Variants in CEP126 observed in about 807,000 individuals in gnomAD.
CEP126 encodes centrosomal protein 126.
CEP126 carries 74 observed loss-of-function variants against 107.8 expected under a neutral mutation model. That is an observed-to-expected ratio of 0.69 (90% confidence interval 0.57 to 0.83). The LOEUF (loss-of-function observed/expected upper bound fraction) is 0.83. Among genes scored for constraint, CEP126 ranks in the 40% least tolerant of loss-of-function variants. The pLI, the probability that CEP126 is intolerant of heterozygous loss-of-function variation, is 0.00. For missense variants in CEP126, 1,237 were observed against 1,281.9 expected, an observed-to-expected ratio of 0.96 and a Z score of 0.53; for synonymous variants, 449 against 446.0, an observed-to-expected ratio of 1.01 and a Z score of -0.08.
chr11:101,973,686 A>G (rs1941159888), intron 6 of CEP126, among the ~76,000 whole-genome samples: 1 of 152,190 alleles, frequency 6.6e-6, no homozygotes, highest in African/African-American at 2.4e-5. Flanking sequence ...AAAGCAATAA[A>G]TTAGGTTTTA....
chr11:101,953,844 C>T (rs1356393580), intron 4 of CEP126, among the ~76,000 whole-genome samples: 1 of 151,972 alleles, frequency 6.6e-6, no homozygotes, highest in African/African-American at 2.4e-5. Context: ...GAAAGCTTGT[C>T]TGAAAAGAGA....
intron 2 of CEP126, among the ~76,000 whole-genome samples, chr11:101,940,946 A>G (rs764764579): frequency 2.0e-5 from 3 of 152,140 alleles, no homozygotes; most frequent in Non-Finnish European, 4.4e-5. Flanking sequence ...TGACTACATA[A>G]TCATGCTTCA....
In CEP126 at chr11:101,948,110, T is replaced by A; in HGVS notation, c.474T>A (p.Leu158=). 3 of 1,609,978 alleles carry A rather than the reference T, an allele frequency of 1.9e-6. No homozygotes were observed. In the African/African-American group the frequency reaches 4.0e-5, roughly 21 times the overall value. The change falls in exon 4 of 11, where the codon CTT becomes CTA. Residue 158 remains leucine (L), a synonymous_variant. Coordinates refer to ENST00000263468, the MANE Select transcript of CEP126 (RefSeq NM_020802.4). ...CCAACTTAAAATCAGAAGTAAACCT[T>A]CCCTTTTCCCGTAGACCAACAATAA... The part of the protein sequence containing the change: ...QESNLKSEVN[L]PFSRRPTINW...
At position 101,963,354 on chromosome 11, in the gene CEP126, C is replaced by A. The variant is rs770901849; in HGVS notation, c.2319C>A (p.Asn773Lys). The A allele has an allele frequency of 3.1e-6, 5 of 1,613,968 alleles. No homozygotes were observed. ...AKVQSGFICTNRKGAVIQPQS... is the reference protein window; with the variant it reads ...AKVQSGFICTKRKGAVIQPQS... ...TCCAATCAGGCTTTATATGTACAAA[C>A]AGAAAAGGCGCTGTCATTCAACCAC... The change falls in exon 6 of 11, where the codon AAC becomes AAA. Residue 773 changes from asparagine to lysine, a missense_variant. Physicochemically the swap from Asn to Lys is moderately conservative, Grantham distance 94. Around this residue, in one of 3 missense-constraint regions of CEP126, gnomAD observed 1,134 missense variants for 1,150.5 expected, o/e 0.99. Transcript: ENST00000263468.
At chr11:101,977,992 A>T (rs1156234240) in intron 6 of CEP126, among the ~76,000 whole-genome samples, 1 of 152,360 alleles carries the variant, frequency 6.6e-6, no homozygotes, top group East Asian at 1.9e-4. Context: ...ATCATATATT[A>T]CATGAGTAAA....
At position 101,999,666 on chromosome 11, in the gene CEP126, T is replaced by C. The variant is rs990790994; in HGVS notation, c.*2023T>C. The C allele has an allele frequency of 2.6e-5, 4 of 152,164 alleles. No individual in the cohort carries two copies. Among genetic ancestry groups the C allele is most frequent in the Non-Finnish European group, 5.9e-5 (4 of 68,030 alleles). The allele number at this position is 152,164 out of a possible 1,614,324, so 9.4% of individuals were successfully genotyped here. A position where few individuals can be genotyped will look rare whatever the true frequency, so the allele number is the denominator to read the frequency against. On this transcript the variant is annotated 3_prime_UTR_variant, in exon 11 of 11. Transcript: ENST00000263468. The stretch of plus-strand genomic sequence containing the variant: ...TTTTAGTAGATACAGGGTGGGTTCA[T>C]TAAGAGTGATAAAAGTGGGAAGACA...
chr11:101,992,179 A>G, intron 9 of CEP126, among the ~76,000 whole-genome samples: 1 of 152,124 alleles, frequency 6.6e-6, no homozygotes. Flanking sequence ...GCAGGGAGCT[A>G]CAATCATGAA....
intron 5 of CEP126, among the ~76,000 whole-genome samples, chr11:101,959,312 C>T (rs1213286179): frequency 3.3e-5 from 5 of 152,064 alleles, no homozygotes; most frequent in Admixed American, 1.3e-4. Context: ...CCCGCCACCA[C>T]GCCCAGCTAA....
chr11:101,970,836 C>A (rs578117528), intron 6 of CEP126, among the ~76,000 whole-genome samples: 28 of 152,262 alleles, frequency 1.8e-4, no homozygotes, highest in African/African-American at 6.7e-4. Flanking sequence ...AAATAATATT[C>A]TTACGCCCAT....
At chr11:101,945,599 C>T (rs906438918) in intron 3 of CEP126, among the ~76,000 whole-genome samples, 9 of 152,140 alleles carry the variant, frequency 5.9e-5, no homozygotes, top group African/African-American at 9.7e-5. Flanking sequence ...CCATATAATA[C>T]GACGTCCTGT....
intron 2 of CEP126, among the ~76,000 whole-genome samples, chr11:101,943,696 C>A (rs1312185227): frequency 1.3e-5 from 2 of 151,844 alleles, no homozygotes; most frequent in African/African-American, 4.8e-5. Context: ...GGATTAGGGG[C>A]AGGTGTTTGT....
chr11:101,977,568 T>A (rs996879510), intron 6 of CEP126, among the ~76,000 whole-genome samples: 9 of 148,052 alleles, frequency 6.1e-5, no homozygotes, highest in African/African-American at 2.0e-4. Context: ...GAGGCAGAGG[T>A]TGCAGTGAGC....
At chr11:101,953,080 A>G (rs1186235874) in intron 4 of CEP126, among the ~76,000 whole-genome samples, 5 of 152,224 alleles carry the variant, frequency 3.3e-5, no homozygotes, top group Non-Finnish European at 5.9e-5. Flanking sequence ...GTAGGCATCT[A>G]CCTATTCTGG....
At position 101,997,893 on chromosome 11, in the gene CEP126, T is replaced by C; in HGVS notation, c.*250T>C. 1 of 422,904 alleles carries C rather than the reference T, an allele frequency of 2.4e-6. No individual in the cohort carries two copies. Among genetic ancestry groups the C allele is most frequent in the Non-Finnish European group, 4.2e-6 (1 of 235,528 alleles). The allele number at this position is 422,904 out of a possible 1,614,324, so 26.2% of individuals were successfully genotyped here. A position where few individuals can be genotyped will look rare whatever the true frequency, so the allele number is the denominator to read the frequency against. ...CCTAAACAAAAAGCAGGACATAACCTAGCTCTGAATACATGCCACAAGGAT... is the reference window on the plus strand; with the variant it reads ...CCTAAACAAAAAGCAGGACATAACCCAGCTCTGAATACATGCCACAAGGAT... On this transcript the variant is annotated 3_prime_UTR_variant, in exon 11 of 11. Coordinates refer to ENST00000263468, the MANE Select transcript of CEP126 (RefSeq NM_020802.4).
chr11:101,958,079 G>A (rs968610778), intron 4 of CEP126, 89 bp from the exon 5 acceptor site: 12 of 1,056,232 alleles, frequency 1.1e-5, no homozygotes, highest in South Asian at 4.5e-5. Flanking sequence ...AAACACACAC[G>A]TATTACACCT....
rs1310521451 is a variant in CEP126, at chr11:101,962,140, C to A, written c.1105C>A (p.Pro369Thr). The change falls in exon 6 of 11, where the codon CCC (proline) becomes ACC (threonine). Residue 369 changes from proline to threonine, a missense_variant. By Grantham distance (38) the Pro-to-Thr change is conservative (BLOSUM62 -1). Around this residue, in one of 3 missense-constraint regions of CEP126, gnomAD observed 1,134 missense variants for 1,150.5 expected, o/e 0.99. Coordinates refer to ENST00000263468, the MANE Select transcript of CEP126 (RefSeq NM_020802.4). ...RATNTANNSV[P>T]FVSSPPMFVL... ...CACAAATACTGCTAATAATTCAGTA[C>A]CCTTTGTATCTAGCCCACCCATGTT... The A allele has an allele frequency of 4.3e-6, 7 of 1,612,618 alleles. No homozygotes were observed. Among genetic ancestry groups the A allele is most frequent in the East Asian group, 2.2e-5 (1 of 44,864 alleles).
chr11:101,954,936 G>A (rs1418264423), intron 4 of CEP126, among the ~76,000 whole-genome samples: 1 of 152,064 alleles, frequency 6.6e-6, no homozygotes, highest in African/African-American at 2.4e-5. Flanking sequence ...TACATTTTCA[G>A]TGGAATGTAA....
chr11:101,954,317 T>C (rs923580222), intron 4 of CEP126, among the ~76,000 whole-genome samples: 2 of 152,152 alleles, frequency 1.3e-5, no homozygotes, highest in Non-Finnish European at 2.9e-5. Context: ...TGAGCCACCA[T>C]GCCCAGACAG....
chr11:101,986,341 A>G (rs1482253669), intron 8 of CEP126, among the ~76,000 whole-genome samples: 1 of 152,138 alleles, frequency 6.6e-6, no homozygotes, highest in Non-Finnish European at 1.5e-5. Flanking sequence ...CCTTCTGTCA[A>G]ATATTTGATG....
Sources: allele counts gnomAD v4.1 joint callset (sites outside exome capture counted in the v4.1 genomes callset), GRCh38; gene constraint gnomAD v4.1.1; regional missense constraint gnomAD v4.1.1; transcripts MANE v1.5; gene names NCBI Gene and HGNC (gene_info 2026-07-23, HGNC 2026-07-21).